RMDN2: variants seen among roughly 807,000 people sequenced by gnomAD.
RMDN2 encodes the protein regulator of microtubule dynamics 2.
A neutral mutation model predicts 52.8 loss-of-function variants in RMDN2; 61 were observed. That is an observed-to-expected ratio of 1.16 (90% confidence interval 0.94 to 1.43). RMDN2 has a LOEUF of 1.43. RMDN2 is among the 40% of genes most tolerant of loss of function. The pLI is 0.00. For missense variants in RMDN2, 592 were observed against 475.3 expected, an observed-to-expected ratio of 1.25 and a Z score of -2.28; for synonymous variants, 180 against 153.1, an observed-to-expected ratio of 1.18 and a Z score of -1.30.
chr2:37,938,812 C>T lies in RMDN2; in HGVS notation c.452+9083C>T, dbSNP rs143710014. Reference sequence around the variant, plus strand: ...CTTTCTTCTTTATTAATCTGGCTAGCGGTCTATCTATTTTGTAATCTTTTC... The same window carrying T: ...CTTTCTTCTTTATTAATCTGGCTAGTGGTCTATCTATTTTGTAATCTTTTC... On this transcript the variant is annotated intron_variant, in intron 2 of 10. Transcript: ENST00000354545. 3.1e-3 allele frequency among the ~76,000 whole-genome samples: 466 copies of T among 152,102 alleles called. 1 individual carries two copies. Among genetic ancestry groups the T allele is most frequent in the African/African-American group, 0.01 (429 of 41,492 alleles).
At chr2:37,935,135 A>G (rs910888687) in intron 2 of RMDN2, among the ~76,000 whole-genome samples, 1 of 152,246 alleles carries the variant, frequency 6.6e-6, no homozygotes, top group Non-Finnish European at 1.5e-5. Context: ...CAAAAACAGT[A>G]CTGATTATTC....
chr2:38,050,964 T>A (rs1260212833), intron 10 of RMDN2, among the ~76,000 whole-genome samples: 1 of 152,164 alleles, frequency 6.6e-6, no homozygotes, highest in Non-Finnish European at 1.5e-5. Flanking sequence ...GGTTTCACCA[T>A]ATTGGCCAGG....
intron 10 of RMDN2, among the ~76,000 whole-genome samples, chr2:38,040,600 T>C (rs1038329727): frequency 6.6e-6 from 1 of 152,112 alleles, no homozygotes; most frequent in African/African-American, 2.4e-5. Context: ...AAATTACGAG[T>C]CTAAGGTATT....
At chr2:38,061,921 A>G (rs750474882) in intron 10 of RMDN2, among the ~76,000 whole-genome samples, 12 of 152,198 alleles carry the variant, frequency 7.9e-5, no homozygotes, top group African/African-American at 1.4e-4. Flanking sequence ...ATCTGGCACC[A>G]CTTTACCTCT....
rs761974629 is a variant in RMDN2, at chr2:37,974,129, T to A, written c.542T>A (p.Val181Asp). The A allele has an allele frequency of 2.5e-6, 4 of 1,612,560 alleles. No individual in the cohort carries two copies. Among genetic ancestry groups the A allele is most frequent in the Non-Finnish European group, 3.4e-6 (4 of 1,178,666 alleles). Residue 181 changes from valine (V) to aspartate (D), a missense_variant, in exon 3 of 11, where the codon GTC (valine) becomes GAC (aspartate). Coordinates refer to ENST00000354545, the MANE Select transcript of RMDN2 (RefSeq NM_001170791.3). ...CGTGTAGAGGAATTAAATTTAGATG[T>A]CCTTCTTCAGAAGGTAGATCATTTA... is the stretch of plus-strand genomic sequence containing the variant. ...NTRVEELNLDVLLQKVDHLRM... is the reference protein window; with the variant it reads ...NTRVEELNLDDLLQKVDHLRM...
At chr2:37,962,196 G>T (rs1670331552) in intron 2 of RMDN2, among the ~76,000 whole-genome samples, 1 of 152,224 alleles carries the variant, frequency 6.6e-6, no homozygotes, top group Admixed American at 6.5e-5. Context: ...GAGGCAATCT[G>T]TCCCTTAGCA....
At chr2:38,044,537 G>T (rs1021522577) in intron 10 of RMDN2, among the ~76,000 whole-genome samples, 23 of 149,382 alleles carry the variant, frequency 1.5e-4, no homozygotes, top group African/African-American at 5.4e-4. Flanking sequence ...TTCTATAATT[G>T]CCTCACAGTT....
chr2:37,932,876 A>C (rs1478930542), intron 2 of RMDN2, among the ~76,000 whole-genome samples: 21 of 92,772 alleles, frequency 2.3e-4, no homozygotes, highest in East Asian at 4.3e-4. Context: ...TGACCCCCCC[A>C]CCTCCCTCCC....
intron 2 of RMDN2, among the ~76,000 whole-genome samples, chr2:37,945,221 A>G (rs747727720): frequency 1.6e-4 from 25 of 152,204 alleles, no homozygotes; most frequent in Admixed American, 2.6e-4. Flanking sequence ...TTAAATCTGT[A>G]AATATAATAA....
chr2:38,056,873 T>C (rs1039688408), intron 10 of RMDN2, among the ~76,000 whole-genome samples: 3 of 152,216 alleles, frequency 2.0e-5, no homozygotes, highest in Non-Finnish European at 4.4e-5. Context: ...ATTTTTTCCT[T>C]CCATTTAACT....
chr2:38,017,552 A>C lies in RMDN2; in HGVS notation c.*313A>C. ...TTTAAATCCAATAAAATGAATTCTC[A>C]TGAATATTTTATTGTTTCAATGGAG... On this transcript the variant is annotated 3_prime_UTR_variant, in exon 11 of 11. Transcript: ENST00000354545. The C allele has an allele frequency of 4.3e-6, 5 of 1,160,420 alleles. No individual in the cohort carries two copies. In the South Asian group the frequency reaches 4.3e-5, roughly 10 times the overall value. The allele number at this position is 1,160,420 out of a possible 1,614,324, so 71.9% of individuals were successfully genotyped here.
At chr2:38,010,809 C>T (rs1005352444) in intron 10 of RMDN2, among the ~76,000 whole-genome samples, 7 of 152,170 alleles carry the variant, frequency 4.6e-5, no homozygotes, top group South Asian at 2.1e-4. Flanking sequence ...CACTCACGCT[C>T]GGAGCTGTAG....
At chr2:38,065,216 A>G (rs972956386) in intron 10 of RMDN2, among the ~76,000 whole-genome samples, 1 of 152,204 alleles carries the variant, frequency 6.6e-6, no homozygotes, top group African/African-American at 2.4e-5. Context: ...AAGCAACAGG[A>G]TGAGATATGT....
rs377226165 is a variant in RMDN2 at position 37,982,433 on chromosome 2, C to G, written c.791+1090C>G. Among the ~76,000 whole-genome samples the G allele has an allele frequency of 2.2e-4, 33 of 152,258 alleles. No individual in the cohort carries two copies. The South Asian group carries it at 6.8e-3, about 32-fold the overall frequency. On this transcript the variant is annotated intron_variant, in intron 5 of 10. Transcript: ENST00000354545. ...CACATAGCTTTAGATGAGATGCAAGCCTAGCCCCTGCCCTCTGTCATGAGA... is the reference window on the plus strand; with the variant it reads ...CACATAGCTTTAGATGAGATGCAAGGCTAGCCCCTGCCCTCTGTCATGAGA...
chr2:37,974,287 C>A (rs1173992324), intron 3 of RMDN2, 73 bp downstream of exon 3: 8 of 970,962 alleles, frequency 8.2e-6, no homozygotes, highest in South Asian at 2.6e-5. Flanking sequence ...TCAGTTATAA[C>A]TATAATAATT....
At chr2:37,933,034 G>T (rs1281630738) in intron 2 of RMDN2, among the ~76,000 whole-genome samples, 2 of 151,638 alleles carry the variant, frequency 1.3e-5, no homozygotes, top group African/African-American at 4.9e-5. Context: ...CGGCTGCCGG[G>T]CGGAGGGACT....
chr2:37,937,206 A>T (rs1205469872), intron 2 of RMDN2, among the ~76,000 whole-genome samples: 3 of 152,044 alleles, frequency 2.0e-5, no homozygotes, highest in Non-Finnish European at 4.4e-5. Context: ...CAAAGATCAG[A>T]TGGTTGTAGA....
chr2:37,985,768 T>A (rs1438321868), intron 5 of RMDN2, among the ~76,000 whole-genome samples: 1 of 152,096 alleles, frequency 6.6e-6, no homozygotes, highest in Non-Finnish European at 1.5e-5. Context: ...CCTAACAAGT[T>A]ATGAATTAAT....
intron 10 of RMDN2, among the ~76,000 whole-genome samples, chr2:38,014,767 T>C (rs137887662): frequency 1.8e-4 from 28 of 152,352 alleles, no homozygotes; most frequent in African/African-American, 6.7e-4. Flanking sequence ...TTTACAATTA[T>C]AGAGGTGTAC....
Sources: gnomAD v4.1 joint callset for allele counts (sites outside exome capture counted in the v4.1 genomes callset) on GRCh38, gnomAD v4.1.1 for gene constraint, MANE v1.5 for transcripts, NCBI Gene and HGNC (gene_info 2026-07-23, HGNC 2026-07-21) for gene names.